UNC80: variants seen among roughly 807,000 people sequenced by gnomAD.
The protein encoded by UNC80 is unc-80 subunit of NALCN channel complex.
In UNC80, 164 loss-of-function variants were observed where a neutral mutation model predicts 384.6. The observed-to-expected ratio is 0.43, with a 90% CI of 0.38 to 0.49. The LOEUF (loss-of-function observed/expected upper bound fraction) is 0.49, where lower values mean the gene tolerates loss of function less well. Among genes scored for constraint, UNC80 ranks in the 20% least tolerant of loss-of-function variants. The pLI, the probability that UNC80 is intolerant of heterozygous loss-of-function variation, is 0.00. For synonymous variants in UNC80, 1,486 were observed against 1,527.8 expected (o/e 0.97, Z 0.64); for missense variants, 3,330 against 4,143.0 (o/e 0.80, Z 5.39).
At chr2:209,801,252 A>T (rs2078530295) in intron 7 of UNC80, among the ~76,000 whole-genome samples, 1 of 151,868 alleles carries the variant, frequency 6.6e-6, no homozygotes, top group Non-Finnish European at 1.5e-5. Flanking sequence ...TTGGGTACAT[A>T]TATATTTAAA....
rs2093010564 is a variant in UNC80, at chr2:209,976,244, T to C, written c.8713T>C (p.Phe2905Leu). Reference sequence around the variant, plus strand: ...CCTGGCCCTTTGGGATTTCCTCGACTTCATCGTGCGGACCCGAATACCCAT... The same window carrying C: ...CCTGGCCCTTTGGGATTTCCTCGACCTCATCGTGCGGACCCGAATACCCAT... ...GGLALWDFLDFIVRTRIPIFV... is the reference protein window; with the variant it reads ...GGLALWDFLDLIVRTRIPIFV... The change falls in exon 57 of 65, where the codon TTC (phenylalanine) becomes CTC (leucine). Residue 2905 changes from phenylalanine to leucine, a missense_variant. Around this residue, in one of 8 missense-constraint regions of UNC80, gnomAD observed 1,049 missense variants for 1,488.6 expected, o/e 0.70. Coordinates refer to ENST00000673920, the MANE Select transcript of UNC80 (RefSeq NM_001371986.1). This position sits in a 1 kb window ranked among gnomAD's most constrained non-coding sequence, Gnocchi z 4.3. 2 of 1,551,730 alleles carry C rather than the reference T, an allele frequency of 1.3e-6. No homozygotes were observed. Among genetic ancestry groups the C allele is most frequent in the Non-Finnish European group, 1.7e-6 (2 of 1,147,000 alleles).
Position 209,970,817 on chromosome 2 carries a change from C to T in UNC80, c.8131-15C>T. 1 of 1,550,882 alleles carries T rather than the reference C, an allele frequency of 6.4e-7. No individual in the cohort carries two copies. The highest frequency in any genetic ancestry group is 8.7e-7 in the Non-Finnish European group (1 of 1,146,640). Reference sequence around the variant, plus strand: ...CAATAGTCAAGGCTGGTCATGTGCTCTGTTTGTATTTCAGGTGATGGGAGT... The same window carrying T: ...CAATAGTCAAGGCTGGTCATGTGCTTTGTTTGTATTTCAGGTGATGGGAGT... On this transcript the variant is annotated splice_polypyrimidine_tract_variant and intron_variant, in intron 53 of 64. Coordinates refer to ENST00000673920, the MANE Select transcript of UNC80 (RefSeq NM_001371986.1).
At chr2:209,942,466 G>A (rs2091691687) in intron 44 of UNC80, among the ~76,000 whole-genome samples, 1 of 152,106 alleles carries the variant, frequency 6.6e-6, no homozygotes, top group African/African-American at 2.4e-5. Context: ...AATTTAGCAG[G>A]AACAATTTTT....
intron 2 of UNC80, 36 bp downstream of exon 2, chr2:209,773,178 A>G: frequency 6.3e-7 from 1 of 1,576,998 alleles, no homozygotes; most frequent in Non-Finnish European, 8.7e-7. Context: ...TTATTTCCCT[A>G]TTCTGTGTGG....
intron 22 of UNC80, among the ~76,000 whole-genome samples, chr2:209,856,987 A>C (rs1443385779): frequency 6.6e-6 from 1 of 151,852 alleles, no homozygotes; most frequent in Non-Finnish European, 1.5e-5. Context: ...AAGGGGTTTC[A>C]CCATATTGGT....
Position 209,813,763 on chromosome 2 carries a change from T to C in UNC80, c.1122T>C (p.Asp374=). 6.4e-7 allele frequency: 1 copy of C among 1,551,918 alleles called. No individual in the cohort carries two copies. The highest frequency in any genetic ancestry group is 8.7e-7 in the Non-Finnish European group (1 of 1,147,048). The change falls in exon 8 of 65, where the codon GAT becomes GAC. Residue 374 remains aspartate (D), a synonymous_variant. Transcript: ENST00000673920. The part of the protein sequence containing the change: ...EEKPEKPPEP[D]IPLLPRPRSS... ...AGCCAGAAAAGCCTCCGGAGCCAGA[T>C]ATTCCTCTCCTGCCCAGACCCAGGA...
intron 27 of UNC80, 111 bp downstream of exon 27, chr2:209,894,477 C>A: frequency 3.6e-6 from 2 of 556,392 alleles, no homozygotes; most frequent in Non-Finnish European, 4.6e-6. Context: ...GAGGGCAGAG[C>A]CATAGGATAG....
At chr2:209,905,813 C>G (rs1178432175) in intron 29 of UNC80, among the ~76,000 whole-genome samples, 1 of 152,192 alleles carries the variant, frequency 6.6e-6, no homozygotes, top group Non-Finnish European at 1.5e-5. Context: ...CTTCTGAAAA[C>G]TACCCTGAGC....
chr2:209,829,996 T>G (rs10174867), intron 15 of UNC80, among the ~76,000 whole-genome samples: 2 of 152,002 alleles, frequency 1.3e-5, no homozygotes, highest in Non-Finnish European at 2.9e-5. Context: ...CAATAAGTGT[T>G]AACTGCATTT....
rs376761714 is a variant in UNC80, at chr2:209,913,553, T to TTGG, written c.4891-247_4891-245dup. ...TTGTACTCAATATATAGTTTACTCC[T>TTGG]TGGTCGCAAAGCAATTTTGTGGTGA... On this transcript the variant is annotated intron_variant, in intron 30 of 64. Transcript: ENST00000673920. 2.5e-3 allele frequency among the ~76,000 whole-genome samples: 386 copies of TTGG among 152,338 alleles called. 1 individual carries two copies. Among genetic ancestry groups the TTGG allele is most frequent in the African/African-American group, 8.9e-3 (372 of 41,578 alleles).
At chr2:209,961,325 A>G (rs2092584614) in intron 51 of UNC80, 1 of 152,230 alleles carries the variant, frequency 6.6e-6, no homozygotes, top group Non-Finnish European at 1.5e-5. Flanking sequence ...TGGTTCAAAT[A>G]CTATGTTAAA....
intron 56 of UNC80, among the ~76,000 whole-genome samples, chr2:209,974,680 T>A (rs1262899749): frequency 6.6e-6 from 1 of 152,260 alleles, no homozygotes; most frequent in African/African-American, 2.4e-5. Flanking sequence ...AGTGTTATTC[T>A]CATTTTAGGA....
chr2:209,995,198 A>G, intron 64 of UNC80, 131 bp from the exon 65 acceptor site: 1 of 1,224,358 alleles, frequency 8.2e-7, no homozygotes, highest in South Asian at 1.6e-5. Flanking sequence ...GGTCCTACCT[A>G]TAACAAAGGC....
At chr2:209,865,091 C>A (rs1459912253) in intron 22 of UNC80, among the ~76,000 whole-genome samples, 1 of 152,198 alleles carries the variant, frequency 6.6e-6, no homozygotes, top group Admixed American at 6.5e-5. Flanking sequence ...GGAGGACACT[C>A]CCTGGCCCTT....
Position 209,935,778 on chromosome 2 carries a change from T to C in UNC80, c.6243T>C (p.His2081=). 1.9e-6 allele frequency: 3 copies of C among 1,541,576 alleles called. No individual in the cohort carries two copies. The highest frequency in any genetic ancestry group is 2.6e-6 in the Non-Finnish European group (3 of 1,143,188). Residue 2081 remains histidine (H), a synonymous_variant, in exon 40 of 65, where the codon CAT becomes CAC. Transcript: ENST00000673920. Reference sequence around the variant, plus strand: ...ATATCCCAACCCAGTTACCAGTCCATGAAGACACTCAATTTGAAGCCCTGT... The same window carrying C: ...ATATCCCAACCCAGTTACCAGTCCACGAAGACACTCAATTTGAAGCCCTGT... The part of the protein sequence containing the change: ...ECDIPTQLPV[H]EDTQFEALLK...
At chr2:209,926,581 G>C (rs1320396122) in intron 35 of UNC80, among the ~76,000 whole-genome samples, 1 of 152,106 alleles carries the variant, frequency 6.6e-6, no homozygotes, top group African/African-American at 2.4e-5. Context: ...GTTCAAGACC[G>C]ACTGGGGCAA....
At chr2:209,962,523 A>G (rs1032145648) in intron 51 of UNC80, among the ~76,000 whole-genome samples, 4 of 152,230 alleles carry the variant, frequency 2.6e-5, no homozygotes, top group Admixed American at 6.5e-5. Flanking sequence ...TAGTATATAA[A>G]GTTGGCACAA....
chr2:209,869,491 G>A (rs1430527956), intron 22 of UNC80, among the ~76,000 whole-genome samples: 7 of 151,968 alleles, frequency 4.6e-5, no homozygotes, highest in Non-Finnish European at 1.0e-4. Flanking sequence ...CCGTAGATTT[G>A]TACCTTAGCA....
At chr2:209,925,227 T>C (rs1397015904) in intron 35 of UNC80, among the ~76,000 whole-genome samples, 1 of 152,206 alleles carries the variant, frequency 6.6e-6, no homozygotes, top group African/African-American at 2.4e-5. Context: ...CAGGGATCTA[T>C]ACTCCACTGT....
Sources: allele counts gnomAD v4.1 joint callset (sites outside exome capture counted in the v4.1 genomes callset), GRCh38; gene constraint gnomAD v4.1.1; regional missense constraint gnomAD v4.1.1; non-coding constraint Gnocchi (gnomAD v3.1); transcripts MANE v1.5; gene names NCBI Gene and HGNC (gene_info 2026-07-23, HGNC 2026-07-21).